KLHL3: variants seen among roughly 807,000 people sequenced by gnomAD.
The protein encoded by KLHL3 is kelch like family member 3, also known as kelch-like protein 3.
A neutral mutation model predicts 70.5 loss-of-function variants in KLHL3; 19 were observed. That is an observed-to-expected ratio of 0.27 (90% CI 0.19 to 0.40). The LOEUF is 0.40. Ranked by LOEUF, KLHL3 falls within the 10% of genes least tolerant of loss-of-function variation. KLHL3 has a pLI of 1.00. For missense variants in KLHL3, 512 were observed against 771.1 expected, an observed-to-expected ratio of 0.66 and a Z score of 3.98; for synonymous variants, 258 against 290.3, an observed-to-expected ratio of 0.89 and a Z score of 1.13.
In KLHL3 at chr5:137,625,749, T is replaced by C. The variant is rs1287725936; in HGVS notation, c.1735+4A>G. 5 of 1,613,918 alleles carry C rather than the reference T, an allele frequency of 3.1e-6. No homozygotes were observed. Among genetic ancestry groups the C allele is most frequent in the Non-Finnish European group, 4.2e-6 (5 of 1,179,820 alleles). On this transcript the variant is annotated splice_donor_region_variant and intron_variant, in intron 14 of 14. Transcript: ENST00000309755. ...GGATGGGCATGGAGATGGCACACACTGACCTGCATAGCTCCGCCCCGTGCT... is the reference window on the plus strand; with the variant it reads ...GGATGGGCATGGAGATGGCACACACCGACCTGCATAGCTCCGCCCCGTGCT...
intron 2 of KLHL3, among the ~76,000 whole-genome samples, chr5:137,717,542 A>G (rs1423169426): frequency 6.6e-6 from 1 of 152,174 alleles, no homozygotes; most frequent in Non-Finnish European, 1.5e-5. Flanking sequence ...AAAAAATAAA[A>G]ATAAATAAAT....
rs3839339 is a variant in KLHL3, at chr5:137,621,777, TAC to T, written c.*319_*320del. 218,908 of 308,900 alleles carry T rather than the reference TAC, an allele frequency of 0.71. 69,588 individuals carry two copies. The highest frequency in any genetic ancestry group is 0.77 in the African/African-American group (35,913 of 46,360). 19.1% of individuals were successfully genotyped at this position (308,900 alleles called of 1,614,324 possible). On this transcript the variant is annotated 3_prime_UTR_variant, in exon 15 of 15. Coordinates refer to ENST00000309755, the MANE Select transcript of KLHL3 (RefSeq NM_017415.3). ...AGAAACATAGAGAAACACCATGGTC[TAC>T]ACACACACACACACACACACACACT...
chr5:137,641,463 T>C (rs1234549297), intron 8 of KLHL3, among the ~76,000 whole-genome samples: 1 of 152,108 alleles, frequency 6.6e-6, no homozygotes, highest in Admixed American at 6.5e-5. Flanking sequence ...GAGAACCACC[T>C]TTTTAATCCA....
At position 137,659,960 on chromosome 5, in the gene KLHL3, A is replaced by C; in HGVS notation, c.754-1680T>G. Among the ~76,000 whole-genome samples the C allele has an allele frequency of 1.3e-5, 2 of 152,104 alleles. 1 individual carries two copies. Among genetic ancestry groups the C allele is most frequent in the Non-Finnish European group, 2.9e-5 (2 of 68,008 alleles). On this transcript the variant is annotated intron_variant, in intron 7 of 14. Coordinates refer to ENST00000309755, the MANE Select transcript of KLHL3 (RefSeq NM_017415.3). ...AAAAAACCTCCCCCAGAAGTCAGGC[A>C]GTGTTGGTGGAGGTCTGCCCAGGGC...
chr5:137,637,046 A>C (rs1750784005), intron 11 of KLHL3, among the ~76,000 whole-genome samples: 1 of 152,136 alleles, frequency 6.6e-6, no homozygotes, highest in South Asian at 2.1e-4. Context: ...ACAGGCCGGC[A>C]TTTCCCCTCT....
intron 6 of KLHL3, among the ~76,000 whole-genome samples, chr5:137,670,498 G>T (rs1751727625): frequency 6.7e-6 from 1 of 149,192 alleles, no homozygotes; most frequent in Non-Finnish European, 1.5e-5. Context: ...GGGGCTCAGG[G>T]GCCAAATGAG....
At position 137,735,629 on chromosome 5, in the gene KLHL3, A is replaced by G; in HGVS notation, c.14+4T>C. The G allele has an allele frequency of 6.2e-7, 1 of 1,607,974 alleles. No individual in the cohort carries two copies. The highest frequency in any genetic ancestry group is 8.5e-7 in the Non-Finnish European group (1 of 1,174,396). ...CAACACAGCACACACTTATACATAC[A>G]TACCTTTCACCCTCCATTGTGTGAG... On this transcript the variant is annotated splice_donor_region_variant and intron_variant, in intron 1 of 14. Coordinates refer to ENST00000309755, the MANE Select transcript of KLHL3 (RefSeq NM_017415.3).
intron 1 of KLHL3, among the ~76,000 whole-genome samples, chr5:137,724,064 T>G (rs1365246802): frequency 4.6e-5 from 7 of 152,258 alleles, no homozygotes; most frequent in Admixed American, 6.5e-5. Flanking sequence ...TTTAATCTTG[T>G]AATGTGATGA....
chr5:137,687,104 C>A (rs1343147873), intron 5 of KLHL3, among the ~76,000 whole-genome samples: 1 of 82,502 alleles, frequency 1.2e-5, no homozygotes, highest in African/African-American at 4.5e-5. Context: ...CCAGCCGCCC[C>A]GTCCGGGAGG....
rs1410768992 is a variant in KLHL3 at position 137,721,135 on chromosome 5, T to TAA, written c.15-552_15-551insTT. 7.9e-3 allele frequency: 1,216 copies of TAA among 153,050 alleles called. 20 individuals carry two copies. Among genetic ancestry groups the TAA allele is most frequent in the African/African-American group, 0.028 (1,157 of 41,564 alleles). The allele number at this position is 153,050 out of a possible 1,614,324, so 9.5% of individuals were successfully genotyped here. On this transcript the variant is annotated intron_variant, in intron 1 of 14. Transcript: ENST00000309755. ...CCAACTCGTCCCAGTGATAGCAGGT[T>TAA]GATGGAAAGCTTCCTAGAATCTGAG...
intron 12 of KLHL3, among the ~76,000 whole-genome samples, chr5:137,631,069 C>CAAA (rs70979549): frequency 8.3e-4 from 88 of 105,746 alleles, no homozygotes; most frequent in South Asian, 1.3e-3. Context: ...TCCAAAAATA[C>CAAA]AAAAAAAAAA....
At chr5:137,640,470 A>T (rs1418815089) in intron 8 of KLHL3, among the ~76,000 whole-genome samples, 3 of 152,230 alleles carry the variant, frequency 2.0e-5, no homozygotes, top group Non-Finnish European at 4.4e-5. Context: ...TTTATTACAA[A>T]AGTTATTAAA....
intron 12 of KLHL3, among the ~76,000 whole-genome samples, chr5:137,631,048 A>T (rs1340353156): frequency 6.8e-6 from 1 of 146,916 alleles, no homozygotes; most frequent in Non-Finnish European, 1.5e-5. Flanking sequence ...AAACGAGATC[A>T]CAACTCAATC....
At chr5:137,638,091 G>C (rs956697358) in intron 10 of KLHL3, among the ~76,000 whole-genome samples, 7 of 152,142 alleles carry the variant, frequency 4.6e-5, no homozygotes, top group African/African-American at 1.7e-4. Flanking sequence ...CGTGTTTTAA[G>C]GCAGAGTATA....
intron 1 of KLHL3, among the ~76,000 whole-genome samples, chr5:137,730,796 T>C (rs898518994): frequency 2.0e-5 from 3 of 152,196 alleles, no homozygotes; most frequent in African/African-American, 7.2e-5. Flanking sequence ...ATGTGTGTGG[T>C]TTTGATAGTG....
At chr5:137,642,912 C>G (rs1332527765) in intron 8 of KLHL3, among the ~76,000 whole-genome samples, 1 of 151,600 alleles carries the variant, frequency 6.6e-6, no homozygotes, top group Non-Finnish European at 1.5e-5. Context: ...CACCATGCCC[C>G]AGAAACTATC....
rs1281507400 is a variant in KLHL3 at position 137,633,215 on chromosome 5, C to T, written c.1450+822G>A. ...GAATGGCGGAACCCGGGAGGCGGAG[C>T]TTGCAGTGAGCCGAGATAGCGCCAC... On this transcript the variant is annotated intron_variant, in intron 12 of 14. Coordinates refer to ENST00000309755, the MANE Select transcript of KLHL3 (RefSeq NM_017415.3). 3.0e-5 allele frequency among the ~76,000 whole-genome samples: 4 copies of T among 131,492 alleles called. No individual in the cohort carries two copies. In the Admixed American group the frequency reaches 3.7e-4, roughly 12 times the overall value. 86.3% of individuals were successfully genotyped at this position (131,492 alleles called of 152,430 possible).
At chr5:137,636,806 T>C (rs1750777514) in intron 11 of KLHL3, among the ~76,000 whole-genome samples, 2 of 152,314 alleles carry the variant, frequency 1.3e-5, no homozygotes, top group African/African-American at 4.8e-5. Flanking sequence ...TGACTAGAAC[T>C]GGACTCAATC....
chr5:137,648,520 AG>A (rs1751112767), intron 8 of KLHL3, among the ~76,000 whole-genome samples: 1 of 152,226 alleles, frequency 6.6e-6, no homozygotes, highest in African/African-American at 2.4e-5. Flanking sequence ...GTAACGTAGG[AG>A]ACTTCTGAGT....
Sources: gnomAD v4.1 joint callset for allele counts (sites outside exome capture counted in the v4.1 genomes callset) on GRCh38, gnomAD v4.1.1 for gene constraint, MANE v1.5 for transcripts, NCBI Gene and HGNC (gene_info 2026-07-23, HGNC 2026-07-21) for gene names.